CFAP90: variants seen among roughly 807,000 people sequenced by gnomAD.
CFAP90 encodes cilia and flagella associated protein 90.
the CFAP90 span, among the ~76,000 whole-genome samples, chr5:7,844,340 G>C: frequency 1.3e-5 from 2 of 152,128 alleles, no homozygotes; most frequent in African/African-American, 4.8e-5. Flanking sequence ...AAACCCCCAA[G>C]TTACTCTTAA....
the CFAP90 span, among the ~76,000 whole-genome samples, chr5:7,843,811 T>G: frequency 2.2e-3 from 334 of 152,334 alleles, 1 homozygote; most frequent in African/African-American, 7.3e-3. Flanking sequence ...GGGGTGATTT[T>G]GAAAAACTAA....
the CFAP90 span, among the ~76,000 whole-genome samples, chr5:7,848,035 G>A: frequency 1.3e-5 from 2 of 152,120 alleles, no homozygotes; most frequent in Non-Finnish European, 2.9e-5. Context: ...TTTTTCCACT[G>A]TTTATCTCAT....
At chr5:7,835,624 G>A in the CFAP90 span, 5 of 605,334 alleles carry the variant, frequency 8.3e-6, no homozygotes, top group African/African-American at 1.9e-5. Flanking sequence ...GTATGTGGTA[G>A]GAAAGTTCAC....
chr5:7,851,023 C>T, the CFAP90 span: 199 of 1,251,734 alleles, frequency 1.6e-4, no homozygotes, highest in Non-Finnish European at 1.9e-4. Flanking sequence ...GTCCTCCATG[C>T]CGCCACCGTC....
At chr5:7,840,167 CT>C in the CFAP90 span, among the ~76,000 whole-genome samples, 2 of 152,112 alleles carry the variant, frequency 1.3e-5, no homozygotes, top group Non-Finnish European at 1.5e-5. Flanking sequence ...CATTTTTCAC[CT>C]TGTGATCTCT....
the CFAP90 span, chr5:7,850,857 C>T: frequency 7.7e-7 from 1 of 1,296,766 alleles, no homozygotes; most frequent in Non-Finnish European, 9.8e-7. Flanking sequence ...GTCTCCGCGC[C>T]CAGTCCGCGG....
chr5:7,833,535 A>C, the CFAP90 span, among the ~76,000 whole-genome samples: 15 of 152,268 alleles, frequency 9.9e-5, no homozygotes, highest in South Asian at 3.1e-3. Context: ...ATGCACACAT[A>C]TATACACACA....
the CFAP90 span, among the ~76,000 whole-genome samples, chr5:7,837,253 T>C: frequency 1.3e-5 from 2 of 152,164 alleles, no homozygotes; most frequent in Admixed American, 1.3e-4. Flanking sequence ...CCTTGTTCGG[T>C]ATCTAGTAAA....
chr5:7,835,916 T>C, the CFAP90 span, among the ~76,000 whole-genome samples: 3 of 152,200 alleles, frequency 2.0e-5, no homozygotes, highest in African/African-American at 7.2e-5. Context: ...AGTGTATTTC[T>C]CACAGTCCTG....
chr5:7,831,790 G>A, the CFAP90 span: 13,418 of 1,518,028 alleles, frequency 8.8e-3, 422 homozygotes, highest in African/African-American at 0.1. Flanking sequence ...CCACCTTCTC[G>A]CTGTGCAAAC....
the CFAP90 span, chr5:7,835,369 GTC>G: frequency 7.0e-7 from 1 of 1,420,700 alleles, no homozygotes; most frequent in Non-Finnish European, 9.8e-7. Flanking sequence ...TTAATATTCT[GTC>G]TTAATATTAC....
chr5:7,847,457 TTTTTCTGTAAAGGGCCAGGTAG>T, the CFAP90 span, among the ~76,000 whole-genome samples: 51,352 of 151,780 alleles, frequency 0.34, 8,906 homozygotes, highest in Admixed American at 0.46. Flanking sequence ...GGTGGGAAAC[TTTTTCTGTAAAGGGCCAGGTAG>T]TAACTGTTTT....
the CFAP90 span, among the ~76,000 whole-genome samples, chr5:7,847,034 G>T: frequency 6.6e-6 from 1 of 152,172 alleles, no homozygotes; most frequent in African/African-American, 2.4e-5. Flanking sequence ...ATTGTTTACA[G>T]TAAATTTAGG....
At chr5:7,851,079 C>T in the CFAP90 span, 1 of 1,234,760 alleles carries the variant, frequency 8.1e-7, no homozygotes, top group Non-Finnish European at 1.0e-6. Flanking sequence ...GCCCAGGGGC[C>T]CAGTCGGAGT....
At chr5:7,837,730 T>A in the CFAP90 span, among the ~76,000 whole-genome samples, 35,192 of 152,182 alleles carry the variant, frequency 0.23, 4,262 homozygotes, top group Middle Eastern at 0.3. Context: ...CCTCACTCAA[T>A]GAGCCGTCTA....
At chr5:7,835,659 C>G in the CFAP90 span, among the ~76,000 whole-genome samples, 1 of 151,930 alleles carries the variant, frequency 6.6e-6, no homozygotes, top group Non-Finnish European at 1.5e-5. Flanking sequence ...CCAGCTGTGA[C>G]GTGGAGCAGG....
chr5:7,839,402 A>C, the CFAP90 span, among the ~76,000 whole-genome samples: 1 of 152,222 alleles, frequency 6.6e-6, no homozygotes, highest in African/African-American at 2.4e-5. Context: ...GCTTTTAATC[A>C]GGTCCAACCC....
the CFAP90 span, among the ~76,000 whole-genome samples, chr5:7,837,501 G>A: frequency 7.2e-5 from 11 of 152,224 alleles, no homozygotes; most frequent in Admixed American, 1.3e-4. Context: ...GAAGTAGGCA[G>A]TGAAAAGGAT....
At chr5:7,831,014 A>G in the CFAP90 span, 1 of 152,230 alleles carries the variant, frequency 6.6e-6, no homozygotes, top group Non-Finnish European at 1.5e-5. Context: ...CCAGCAGCTC[A>G]TTGCCTCCCG....
Sources: allele counts gnomAD v4.1 joint callset (sites outside exome capture counted in the v4.1 genomes callset), GRCh38; gene constraint gnomAD v4.1.1; transcripts MANE v1.5; gene names NCBI Gene and HGNC (gene_info 2026-07-23, HGNC 2026-07-21).